SPEF2: variants seen among roughly 807,000 people sequenced by gnomAD.
The protein encoded by SPEF2 is sperm flagellar and cilia associated 2.
In SPEF2, 187 loss-of-function variants were observed where a neutral mutation model predicts 224.6. The observed-to-expected ratio is 0.83, with a 90% CI of 0.74 to 0.94. The LOEUF (loss-of-function observed/expected upper bound fraction) is 0.94. Among genes scored for constraint, SPEF2 ranks in the 40% least tolerant of loss-of-function variants. SPEF2 has a pLI of 0.00. For missense variants in SPEF2, 2,170 were observed against 2,135.6 expected (o/e 1.02, Z -0.32); for synonymous variants, 715 against 707.3 (o/e 1.01, Z -0.17).
At chr5:35,661,235 GT>G (rs1206283860) in intron 8 of SPEF2, among the ~76,000 whole-genome samples, 29 of 105,426 alleles carry the variant, frequency 2.8e-4, no homozygotes, top group South Asian at 1.5e-3. Flanking sequence ...AAGAAAGGAG[GT>G]TTTTTTTTTG....
At chr5:35,736,914 C>CA (rs577946529) in intron 21 of SPEF2, among the ~76,000 whole-genome samples, 2,711 of 31,218 alleles carry the variant, frequency 0.087, 57 homozygotes, top group South Asian at 0.38. Context: ...CTGGAGCATC[C>CA]AAAAAAATAA....
intron 29 of SPEF2, among the ~76,000 whole-genome samples, chr5:35,776,930 A>C (rs955439416): frequency 6.6e-6 from 1 of 152,120 alleles, no homozygotes; most frequent in Non-Finnish European, 1.5e-5. Flanking sequence ...TGTTAGTTCA[A>C]CCTTAAAAGG....
chr5:35,693,981 C>T (rs1220266751), intron 12 of SPEF2, among the ~76,000 whole-genome samples: 2 of 152,126 alleles, frequency 1.3e-5, no homozygotes, highest in Non-Finnish European at 2.9e-5. Context: ...TTTACCCTTT[C>T]CTCAGGTTCC....
Position 35,709,053 on chromosome 5 carries a change from AAG to A in SPEF2, c.2775_2776del (p.Lys926GlyfsTer26). 1 of 1,613,976 alleles carries A rather than the reference AAG, an allele frequency of 6.2e-7. No homozygotes were observed. The highest frequency in any genetic ancestry group is 8.5e-7 in the Non-Finnish European group (1 of 1,179,982). On this transcript the variant is annotated frameshift_variant, in exon 19 of 37. Transcript: ENST00000356031. LOFTEE classifies it high-confidence loss of function. Reference sequence around the variant, plus strand: ...CCTGCTCCTCCTCCTGAACCAGAAAAAGAGAAGGAAATTCATCAAAGCCATGT... The same window carrying A: ...CCTGCTCCTCCTCCTGAACCAGAAAAAGAAGGAAATTCATCAAAGCCATGT...
At chr5:35,663,923 C>T (rs1260481589) in intron 8 of SPEF2, among the ~76,000 whole-genome samples, 3 of 152,118 alleles carry the variant, frequency 2.0e-5, no homozygotes, top group Admixed American at 6.5e-5. Context: ...GGAGGCTGCT[C>T]CAGCCTTTGT....
chr5:35,759,179 C>T (rs1164231897), intron 24 of SPEF2, among the ~76,000 whole-genome samples: 1 of 151,836 alleles, frequency 6.6e-6, no homozygotes, highest in East Asian at 1.9e-4. Flanking sequence ...CTCAAATCAA[C>T]TCATATGCTA....
chr5:35,646,240 C>T (rs571572416), intron 4 of SPEF2, among the ~76,000 whole-genome samples: 5 of 152,114 alleles, frequency 3.3e-5, no homozygotes, highest in South Asian at 2.1e-4. Flanking sequence ...TATTGGGTTT[C>T]GCAGGAGCCC....
chr5:35,671,023 A>G, intron 10 of SPEF2: 16 of 985,424 alleles, frequency 1.6e-5, no homozygotes, highest in Non-Finnish European at 1.9e-5. Flanking sequence ...TGTAACAATC[A>G]TAGCTTTTGG....
rs1754695135 is a variant in SPEF2 at position 35,692,670 on chromosome 5, A to C, written c.1845A>C (p.Lys615Asn). 1 of 1,613,754 alleles carries C rather than the reference A, an allele frequency of 6.2e-7. No individual in the cohort carries two copies. The highest frequency in any genetic ancestry group is 1.3e-5 in the African/African-American group (1 of 74,930). Residue 615 changes from lysine (K) to asparagine (N), a missense_variant, in exon 12 of 37, where the codon AAA becomes AAC. By Grantham distance (94) the Lys-to-Asn change is moderately conservative. Transcript: ENST00000356031. ...TCAGTGAGGTTCTACCAATTCAGAA[A>C]AATGATGAAGAAGATGCTCTACCAG... Reference protein sequence around the residue: ...EKVSEVLPIQKNDEEDALPVL... With the variant: ...EKVSEVLPIQNNDEEDALPVL...
rs1464923870 is a variant in SPEF2 at position 35,726,982 on chromosome 5, AC to A, written c.2915-684del. Among the ~76,000 whole-genome samples, 40 of 61,532 alleles carry A rather than the reference AC, an allele frequency of 6.5e-4. 1 individual carries two copies. In the East Asian group the frequency reaches 8.0e-3, roughly 12 times the overall value. The allele number at this position is 61,532 out of a possible 152,430, so 40.4% of individuals were successfully genotyped here. On this transcript the variant is annotated intron_variant, in intron 20 of 36. Transcript: ENST00000356031. ...CCTCTTTCTCGTTTTCTTCCCAAGC[AC>A]CCCCCCCCTTTCCTCCCCTCCCCTC...
At chr5:35,788,110 T>G (rs2149821103) in intron 30 of SPEF2, 1 of 703,004 alleles carries the variant, frequency 1.4e-6, no homozygotes, top group Non-Finnish European at 2.6e-6. Flanking sequence ...GGACTGAATT[T>G]CTCAATGCAC....
intron 10 of SPEF2, 102 bp from the exon 11 acceptor site, chr5:35,690,935 T>G: frequency 2.4e-6 from 2 of 834,674 alleles, no homozygotes; most frequent in Non-Finnish European, 3.7e-6. Context: ...TCATTGGCTT[T>G]TGTTGGCTAT....
At chr5:35,774,307 G>A (rs1753297103) in intron 28 of SPEF2, among the ~76,000 whole-genome samples, 1 of 152,234 alleles carries the variant, frequency 6.6e-6, no homozygotes, top group South Asian at 2.1e-4. Flanking sequence ...AAAAGCAATA[G>A]CAGTAATTAA....
chr5:35,654,442 A>C, intron 6 of SPEF2, 98 bp from the exon 7 acceptor site: 1 of 962,292 alleles, frequency 1.0e-6, no homozygotes. Flanking sequence ...CAGTGAACTC[A>C]AGGGATCCTT....
rs139938138 is a variant in SPEF2 at position 35,753,570 on chromosome 5, G to A, written c.3331-54G>A. ...AGGATTTTAGTTTTATTGCACCTAG[G>A]TGATTTGAGCAGCAATCTAAAGCAT... On this transcript the variant is annotated intron_variant, in intron 23 of 36. Transcript: ENST00000356031. The A allele has an allele frequency of 8.5e-4, 1,360 of 1,608,652 alleles. 9 individuals carry two copies. The African/African-American group carries it at 0.016, about 18-fold the overall frequency.
At chr5:35,800,331 T>G (rs1013692718) in intron 34 of SPEF2, among the ~76,000 whole-genome samples, 184 bp downstream of exon 34, 1 of 152,162 alleles carries the variant, frequency 6.6e-6, no homozygotes, top group African/African-American at 2.4e-5. Flanking sequence ...GGGGACCCAA[T>G]TGCCATCAAA....
chr5:35,709,396 A>G, intron 19 of SPEF2: 1 of 1,192,018 alleles, frequency 8.4e-7, no homozygotes, highest in Non-Finnish European at 1.0e-6. Flanking sequence ...AGGAAAAGGC[A>G]CAGAGTAACA....
intron 34 of SPEF2, among the ~76,000 whole-genome samples, chr5:35,803,701 G>T (rs1757732084): frequency 6.6e-6 from 1 of 152,172 alleles, no homozygotes; most frequent in Admixed American, 6.5e-5. Context: ...GGGCAACCCT[G>T]TCCCAGGAAG....
At chr5:35,808,221 T>C (rs1758297875) in intron 36 of SPEF2, 1 of 861,926 alleles carries the variant, frequency 1.2e-6, no homozygotes, top group South Asian at 5.3e-5. Flanking sequence ...ATTAATTTTA[T>C]TGCCTGTATT....
Sources: allele counts gnomAD v4.1 joint callset (sites outside exome capture counted in the v4.1 genomes callset), GRCh38; gene constraint gnomAD v4.1.1; transcripts MANE v1.5; gene names NCBI Gene and HGNC (gene_info 2026-07-23, HGNC 2026-07-21).